CADPS2: variants seen among roughly 807,000 people sequenced by gnomAD.
CADPS2 encodes calcium dependent secretion activator 2.
A neutral mutation model predicts 172.5 loss-of-function variants in CADPS2; 93 were observed. That is an observed-to-expected ratio of 0.54 (90% CI 0.46 to 0.64). The LOEUF is 0.64. CADPS2 is among the 30% of genes least tolerant of loss of function. The pLI is 0.00. For synonymous variants in CADPS2, 546 were observed against 555.2 expected (o/e 0.98, Z 0.23); for missense variants, 1,420 against 1,565.9 (o/e 0.91, Z 1.57).
chr7:122,542,346 C>A (rs1286374403), intron 8 of CADPS2, among the ~76,000 whole-genome samples: 1 of 152,078 alleles, frequency 6.6e-6, no homozygotes, highest in African/African-American at 2.4e-5. Flanking sequence ...TATATTACTA[C>A]AAACACACCT....
In CADPS2 at chr7:122,455,259, T is replaced by C. The variant is rs926557351; in HGVS notation, c.2187-3784A>G. On this transcript the variant is annotated intron_variant, in intron 14 of 29. Transcript: ENST00000449022. ...CTCTACATGTACACAAAATCATATATGCACACATGCACACCTGGCTTGCTT... is the reference window on the plus strand; with the variant it reads ...CTCTACATGTACACAAAATCATATACGCACACATGCACACCTGGCTTGCTT... Among the ~76,000 whole-genome samples the C allele has an allele frequency of 2.6e-5, 4 of 152,120 alleles. No homozygotes were observed. In the East Asian group the frequency reaches 7.7e-4, roughly 29 times the overall value.
chr7:122,872,786 T>G (rs1820121102), intron 1 of CADPS2, among the ~76,000 whole-genome samples: 1 of 152,004 alleles, frequency 6.6e-6, no homozygotes, highest in African/African-American at 2.4e-5. Flanking sequence ...CATATTCTAA[T>G]AAAAAATTCC....
intron 1 of CADPS2, 78 bp downstream of exon 1, chr7:122,885,921 G>T (rs1216040541): frequency 6.7e-7 from 1 of 1,488,980 alleles, no homozygotes; most frequent in Non-Finnish European, 9.2e-7. Context: ...GCAGAAGGAC[G>T]GGAGGCGTCC....
At chr7:122,824,941 A>G (rs943478314) in intron 1 of CADPS2, among the ~76,000 whole-genome samples, 1 of 152,180 alleles carries the variant, frequency 6.6e-6, no homozygotes, top group Non-Finnish European at 1.5e-5. Context: ...TTTCTCACTG[A>G]TCTGACTGAG....
At chr7:122,666,443 A>G (rs1240766694) in intron 2 of CADPS2, among the ~76,000 whole-genome samples, 2 of 149,918 alleles carry the variant, frequency 1.3e-5, no homozygotes, top group Non-Finnish European at 2.9e-5. Context: ...TCCCAGGTTC[A>G]GGCAATTCTG....
intron 2 of CADPS2, chr7:122,681,761 AAC>A (rs2135824590): frequency 1.9e-6 from 1 of 535,306 alleles, no homozygotes; most frequent in South Asian, 3.3e-5. Flanking sequence ...AAAGAAAAAA[AAC>A]AACATCTAAA....
chr7:122,691,521 C>T (rs887094363), intron 2 of CADPS2, among the ~76,000 whole-genome samples: 1 of 152,206 alleles, frequency 6.6e-6, no homozygotes, highest in Non-Finnish European at 1.5e-5. Context: ...GTAAGCCTCA[C>T]CATGCAACCC....
intron 4 of CADPS2, among the ~76,000 whole-genome samples, chr7:122,623,566 G>C (rs894538089): frequency 2.6e-5 from 4 of 152,102 alleles, no homozygotes; most frequent in Non-Finnish European, 1.5e-5. Flanking sequence ...AATAAAGTTT[G>C]GTGAATAATA....
chr7:122,351,901 A>G (rs2038709172), intron 27 of CADPS2, among the ~76,000 whole-genome samples: 1 of 152,252 alleles, frequency 6.6e-6, no homozygotes, highest in African/African-American at 2.4e-5. Flanking sequence ...ATGTAGCATT[A>G]GTATGTTACA....
At chr7:122,822,043 C>T (rs987059242) in intron 1 of CADPS2, among the ~76,000 whole-genome samples, 18 of 146,276 alleles carry the variant, frequency 1.2e-4, no homozygotes, top group East Asian at 4.0e-4. Flanking sequence ...TACTCATACA[C>T]GCCCTGCTCT....
In CADPS2 at chr7:122,513,234, G is replaced by GA. The variant is rs759761900; in HGVS notation, c.1542+14dup. The GA allele has an allele frequency of 2.1e-5, 33 of 1,541,440 alleles. No individual in the cohort carries two copies. The highest frequency in any genetic ancestry group is 2.6e-5 in the Non-Finnish European group (29 of 1,136,130). On this transcript the variant is annotated intron_variant, in intron 9 of 29. Coordinates refer to ENST00000449022, the MANE Select transcript of CADPS2 (RefSeq NM_017954.11). The stretch of plus-strand genomic sequence containing the variant: ...CTATCTTAGAGTGATTATTTAACAG[G>GA]AAAAAATGACTAACCTGAACTAGAA...
chr7:122,565,077 G>T (rs2066275898), intron 7 of CADPS2, among the ~76,000 whole-genome samples: 1 of 152,010 alleles, frequency 6.6e-6, no homozygotes, highest in African/African-American at 2.4e-5. Context: ...ACTCCAAAAG[G>T]GGGCAGTGGG....
intron 1 of CADPS2, among the ~76,000 whole-genome samples, chr7:122,740,465 G>A (rs2092403840): frequency 1.3e-5 from 2 of 152,104 alleles, no homozygotes; most frequent in Admixed American, 6.6e-5. Flanking sequence ...GCTACATACT[G>A]TACGACTCCA....
At chr7:122,698,079 C>A (rs369852993) in intron 2 of CADPS2, 1 of 1,613,958 alleles carries the variant, frequency 6.2e-7, no homozygotes. Context: ...CAATGCAATT[C>A]TTGTGGAAAA....
chr7:122,786,727 C>T (rs983050729), intron 1 of CADPS2, among the ~76,000 whole-genome samples: 21 of 152,030 alleles, frequency 1.4e-4, no homozygotes, highest in Non-Finnish European at 2.2e-4. Context: ...AGAATTGAGT[C>T]GAGGACAATA....
At chr7:122,381,302 C>T (rs2042973792) in intron 24 of CADPS2, among the ~76,000 whole-genome samples, 1 of 152,114 alleles carries the variant, frequency 6.6e-6, no homozygotes, top group South Asian at 2.1e-4. Context: ...CCACGTGATA[C>T]ACCTCTTTAG....
chr7:122,339,383 T>C (rs183334346), intron 28 of CADPS2, among the ~76,000 whole-genome samples: 1 of 152,254 alleles, frequency 6.6e-6, no homozygotes, highest in Non-Finnish European at 1.5e-5. Flanking sequence ...GTCACCCTTA[T>C]CCATGTTTTG....
At chr7:122,380,313 G>A (rs1239450491) in intron 24 of CADPS2, among the ~76,000 whole-genome samples, 1 of 152,080 alleles carries the variant, frequency 6.6e-6, no homozygotes, top group Non-Finnish European at 1.5e-5. Context: ...CACAGAAAAT[G>A]TGACTTGTAA....
intron 3 of CADPS2, among the ~76,000 whole-genome samples, chr7:122,660,238 A>C (rs1262790122): frequency 6.6e-6 from 1 of 152,254 alleles, no homozygotes; most frequent in Non-Finnish European, 1.5e-5. Context: ...GATGCGAGGA[A>C]GGAATTGGAT....
Sources: gnomAD v4.1 joint callset for allele counts (sites outside exome capture counted in the v4.1 genomes callset) on GRCh38, gnomAD v4.1.1 for gene constraint, MANE v1.5 for transcripts, NCBI Gene and HGNC (gene_info 2026-07-23, HGNC 2026-07-21) for gene names.